PRKDC: variants seen among roughly 807,000 people sequenced by gnomAD.
PRKDC encodes the protein DNA-dependent protein kinase catalytic subunit.
PRKDC carries 82 observed loss-of-function variants against 486.9 expected under a neutral mutation model. That is an observed-to-expected ratio of 0.17 (90% CI 0.14 to 0.20). The LOEUF (loss-of-function observed/expected upper bound fraction) is 0.20. PRKDC is among the 10% of genes least tolerant of loss of function. PRKDC has a pLI of 1.00. For synonymous variants in PRKDC, 1,895 were observed against 1,837.0 expected (o/e 1.03, Z -0.81); for missense variants, 4,504 against 5,038.2 (o/e 0.89, Z 3.21).
At chr8:47,877,377 T>C (rs1167731763) in intron 40 of PRKDC, among the ~76,000 whole-genome samples, 2 of 152,198 alleles carry the variant, frequency 1.3e-5, no homozygotes, top group African/African-American at 4.8e-5. Context: ...AAAACTGCTT[T>C]AAGAGACATA....
intron 40 of PRKDC, 155 bp from the exon 41 acceptor site, chr8:47,864,918 A>T (rs2088772663): frequency 1.7e-6 from 1 of 601,648 alleles, no homozygotes; most frequent in Non-Finnish European, 2.7e-6. Flanking sequence ...AAACACAAAA[A>T]GCATTTGCAC....
chr8:47,903,958 C>G (rs1205555179), intron 26 of PRKDC, among the ~76,000 whole-genome samples: 2 of 152,124 alleles, frequency 1.3e-5, no homozygotes, highest in African/African-American at 2.4e-5. Flanking sequence ...TCTCCCCTAC[C>G]CGTAACATGA....
intron 7 of PRKDC, among the ~76,000 whole-genome samples, chr8:47,946,421 T>G (rs2090532779): frequency 6.6e-6 from 1 of 152,116 alleles, no homozygotes; most frequent in Non-Finnish European, 1.5e-5. Flanking sequence ...ACAAATGGCC[T>G]CCACTTCCTC....
At chr8:47,880,669 A>G (rs2089194369) in intron 38 of PRKDC, among the ~76,000 whole-genome samples, 1 of 152,234 alleles carries the variant, frequency 6.6e-6, no homozygotes, top group Admixed American at 6.5e-5. Flanking sequence ...ACTGAGTAAT[A>G]AAGTCATTAT....
rs8178005 is a variant in PRKDC at position 47,953,563 on chromosome 8, T to C, written c.721+57A>G. ...AAGAGTTCAAAGAAATAATCAGGCA[T>C]TGCTGGTTAGACTTACAGTTTTTGA... On this transcript the variant is annotated intron_variant, in intron 7 of 85. Coordinates refer to ENST00000314191, the MANE Select transcript of PRKDC (RefSeq NM_006904.7). 6.2e-6 allele frequency: 9 copies of C among 1,440,668 alleles called. No homozygotes were observed. The South Asian group carries it at 9.7e-5, about 16-fold the overall frequency. The allele number at this position is 1,440,668 out of a possible 1,614,324, so 89.2% of individuals were successfully genotyped here. A position where few individuals can be genotyped will look rare whatever the true frequency, so the allele number is the denominator to read the frequency against.
intron 30 of PRKDC, among the ~76,000 whole-genome samples, chr8:47,896,657 A>C (rs574611206): frequency 2.6e-5 from 4 of 151,808 alleles, no homozygotes; most frequent in South Asian, 2.1e-4. Context: ...AAAAAAAAAA[A>C]AAAAAAAACT....
chr8:47,783,973 T>A, intron 77 of PRKDC, 164 bp from the exon 78 acceptor site: 1 of 694,550 alleles, frequency 1.4e-6, no homozygotes, highest in South Asian at 1.8e-5. Context: ...AAATGTTATT[T>A]CTCGGCCGGG....
At chr8:47,793,590 T>C (rs1000451778) in intron 74 of PRKDC, among the ~76,000 whole-genome samples, 2 of 146,336 alleles carry the variant, frequency 1.4e-5, no homozygotes, top group Admixed American at 7.0e-5. Flanking sequence ...GCAGCCGAGA[T>C]TGCACTGCAC....
At position 47,906,871 on chromosome 8, in the gene PRKDC, C is replaced by G. The variant is rs1394656723; in HGVS notation, c.2935-1895G>C. ...GGGCTCAGACTAAACAACACAGAGA[C>G]TCTTCCAAACAGTCTTTCTAGTCTT... On this transcript the variant is annotated intron_variant, in intron 25 of 85. Transcript: ENST00000314191. 2.6e-5 allele frequency among the ~76,000 whole-genome samples: 4 copies of G among 151,626 alleles called. No homozygotes were observed. In the East Asian group the frequency reaches 7.7e-4, roughly 29 times the overall value.
chr8:47,879,379 T>C (rs2089158437), intron 39 of PRKDC, 112 bp downstream of exon 39: 3 of 932,724 alleles, frequency 3.2e-6, no homozygotes, highest in Non-Finnish European at 4.7e-6. Flanking sequence ...ACCTATTGGG[T>C]GGTTTACAAC....
At chr8:47,774,491 T>C in intron 85 of PRKDC, 114 bp from the exon 86 acceptor site, 8 of 986,696 alleles carry the variant, frequency 8.1e-6, no homozygotes, top group Non-Finnish European at 1.2e-5. Flanking sequence ...ACAGAGTATT[T>C]TCTGTGGCTT....
At position 47,943,315 on chromosome 8, in the gene PRKDC, A is replaced by G. The variant is rs2090476600; in HGVS notation, c.860T>C (p.Leu287Pro). The G allele has an allele frequency of 6.2e-7, 1 of 1,612,018 alleles. No homozygotes were observed. The change falls in exon 10 of 86, where the codon CTG becomes CCG. Residue 287 changes from leucine to proline, a missense_variant. Physicochemically the swap from Leu to Pro is moderately conservative, Grantham distance 98 (BLOSUM62 -3). Transcript: ENST00000314191. ...LHASQFSTCL[L>P]DNYVSLFEVL... ...TTCAAATAGAGACACGTAGTTGTCC[A>G]GAAGGCAGGTGCTAAACTGAGATGC...
At chr8:47,932,208 C>T (rs537787517) in intron 16 of PRKDC, among the ~76,000 whole-genome samples, 2 of 151,984 alleles carry the variant, frequency 1.3e-5, no homozygotes, top group South Asian at 2.1e-4. Flanking sequence ...CTCAGCCTCC[C>T]GAGCAGCTGG....
intron 36 of PRKDC, 127 bp downstream of exon 36, chr8:47,885,817 G>T: frequency 1.1e-6 from 1 of 883,474 alleles, no homozygotes. Context: ...GCTTCAATCT[G>T]GGATGCAGAG....
chr8:47,875,263 A>C (rs1158833563), intron 40 of PRKDC, among the ~76,000 whole-genome samples: 1 of 152,140 alleles, frequency 6.6e-6, no homozygotes, highest in East Asian at 1.9e-4. Context: ...ATTCGCTTAT[A>C]ATCTTCTTAC....
At chr8:47,931,241 A>G (rs541472962) in intron 16 of PRKDC, among the ~76,000 whole-genome samples, 1 of 152,272 alleles carries the variant, frequency 6.6e-6, no homozygotes, top group South Asian at 2.1e-4. Flanking sequence ...TTGTGTTACC[A>G]AACACAACTG....
chr8:47,806,755 T>C (rs2087222460), intron 69 of PRKDC, among the ~76,000 whole-genome samples: 1 of 152,230 alleles, frequency 6.6e-6, no homozygotes, highest in South Asian at 2.1e-4. Flanking sequence ...AACTTGACAT[T>C]AGGTTTATCT....
intron 54 of PRKDC, among the ~76,000 whole-genome samples, chr8:47,841,066 C>T (rs1044238812): frequency 1.3e-5 from 2 of 152,172 alleles, no homozygotes; most frequent in Non-Finnish European, 2.9e-5. Context: ...GGACCTGGCC[C>T]TAATCAGGTC....
intron 23 of PRKDC, 30 bp downstream of exon 23, chr8:47,915,298 C>T: frequency 1.5e-6 from 2 of 1,292,702 alleles, no homozygotes; most frequent in Admixed American, 2.2e-5. Flanking sequence ...AATATATCTA[C>T]AGAGGTTATT....
Sources: gnomAD v4.1 joint callset for allele counts (sites outside exome capture counted in the v4.1 genomes callset) on GRCh38, gnomAD v4.1.1 for gene constraint, MANE v1.5 for transcripts, NCBI Gene and HGNC (gene_info 2026-07-23, HGNC 2026-07-21) for gene names.